Variants in CAST observed in about 807,000 individuals in gnomAD.
The protein encoded by CAST is calpastatin.
CAST carries 76 observed loss-of-function variants against 119.6 expected under a neutral mutation model. That is an observed-to-expected ratio of 0.64 (90% CI 0.53 to 0.77). CAST has a LOEUF of 0.77. CAST is among the 30% of genes least tolerant of loss of function. CAST has a pLI of 0.00. For synonymous variants in CAST, 319 were observed against 331.6 expected (o/e 0.96, Z 0.41); for missense variants, 953 against 946.5 (o/e 1.01, Z -0.09).
the CAST span, among the ~76,000 whole-genome samples, chr5:96,283,129 CAA>C: frequency 8.2e-5 from 2 of 24,310 alleles, no homozygotes; most frequent in Non-Finnish European, 8.4e-5. Context: ...GACTCCGTCT[CAA>C]AAAAAAAAAA....
chr5:96,128,567 C>T, the CAST span, among the ~76,000 whole-genome samples: 1 of 152,086 alleles, frequency 6.6e-6, no homozygotes, highest in African/African-American at 2.4e-5. Context: ...GTGAAAGCGA[C>T]ACTATCCTCC....
chr5:96,173,863 C>G, the CAST span, among the ~76,000 whole-genome samples: 1 of 151,994 alleles, frequency 6.6e-6, no homozygotes, highest in Non-Finnish European at 1.5e-5. Flanking sequence ...GCCTCAGCCT[C>G]CCGACTAGGT....
At chr5:96,620,464 G>C (rs1747581750) in intron 1 of CAST, among the ~76,000 whole-genome samples, 1 of 152,104 alleles carries the variant, frequency 6.6e-6, no homozygotes, top group Admixed American at 6.5e-5. Context: ...GTGAGTTGCA[G>C]CTCCGAATCA....
Position 96,615,555 on chromosome 5 carries a change from C to T in CAST, c.61-59984C>T, listed in dbSNP as rs563005593. Among the ~76,000 whole-genome samples the T allele has an allele frequency of 5.9e-5, 9 of 152,268 alleles. No homozygotes were observed. In the East Asian group the frequency reaches 9.7e-4, roughly 16 times the overall value. On this transcript the variant is annotated intron_variant, in intron 1 of 11. Transcript: ENST00000505143. ...TTCTGTGGGCTGTCCTTGGCTGAGA[C>T]GCACATTGAGGGAGAATTCAACCTG...
chr5:96,671,773 G>T (rs1750107414), intron 1 of CAST, among the ~76,000 whole-genome samples: 2 of 152,218 alleles, frequency 1.3e-5, no homozygotes, highest in South Asian at 4.1e-4. Context: ...CAACCCAGCA[G>T]TTACACGTAG....
chr5:96,185,055 T>C, the CAST span, among the ~76,000 whole-genome samples: 101 of 152,356 alleles, frequency 6.6e-4, no homozygotes, highest in Non-Finnish European at 1.3e-3. Context: ...CTGACTGGCA[T>C]GAGATAGTAT....
the CAST span, among the ~76,000 whole-genome samples, chr5:96,052,469 T>G: frequency 6.6e-6 from 1 of 152,332 alleles, no homozygotes; most frequent in South Asian, 2.1e-4. Flanking sequence ...ATAGATTAAT[T>G]GGATGAAAGA....
chr5:96,712,396 A>G (rs1756352321), intron 3 of CAST, among the ~76,000 whole-genome samples: 1 of 152,134 alleles, frequency 6.6e-6, no homozygotes, highest in Non-Finnish European at 1.5e-5. Flanking sequence ...CAGTGGTGCA[A>G]TCACGGGCCA....
At chr5:96,299,796 G>C in the CAST span, among the ~76,000 whole-genome samples, 1 of 152,074 alleles carries the variant, frequency 6.6e-6, no homozygotes, top group Non-Finnish European at 1.5e-5. Flanking sequence ...ATATTGACAA[G>C]TTATAGTTGT....
chr5:96,356,385 G>A, the CAST span, among the ~76,000 whole-genome samples: 1 of 152,188 alleles, frequency 6.6e-6, no homozygotes, highest in Non-Finnish European at 1.5e-5. Flanking sequence ...TGCTTTAGGT[G>A]TTTCAGTCAT....
the CAST span, among the ~76,000 whole-genome samples, chr5:96,416,696 G>A: frequency 6.6e-6 from 1 of 152,174 alleles, no homozygotes; most frequent in African/African-American, 2.4e-5. Flanking sequence ...CTGGTACCAA[G>A]AGGAGCTTGA....
chr5:96,413,421 A>G, the CAST span, among the ~76,000 whole-genome samples: 2 of 152,214 alleles, frequency 1.3e-5, no homozygotes, highest in East Asian at 3.8e-4. Flanking sequence ...AGATTTTCAC[A>G]CTTATTTACT....
the CAST span, among the ~76,000 whole-genome samples, chr5:96,471,494 A>G: frequency 6.6e-6 from 1 of 152,200 alleles, no homozygotes; most frequent in South Asian, 2.1e-4. Context: ...AACGACTGCT[A>G]CACAAACTGA....
the CAST span, among the ~76,000 whole-genome samples, chr5:95,975,820 T>C: frequency 6.6e-6 from 1 of 152,178 alleles, no homozygotes; most frequent in Non-Finnish European, 1.5e-5. Context: ...ACAAGGTTCT[T>C]TTATAATCAT....
intron 1 of CAST, chr5:96,663,185 G>T (rs1049620471): frequency 1.3e-5 from 9 of 702,588 alleles, no homozygotes; most frequent in African/African-American, 8.7e-5. Context: ...GAGCGGTTGT[G>T]CCTGGGCAGG....
the CAST span, among the ~76,000 whole-genome samples, chr5:95,962,772 T>A: frequency 6.6e-6 from 1 of 152,146 alleles, no homozygotes; most frequent in African/African-American, 2.4e-5. Flanking sequence ...TGATCTAAAT[T>A]AAAAGAAACC....
chr5:96,452,088 C>T, the CAST span, among the ~76,000 whole-genome samples: 1 of 152,182 alleles, frequency 6.6e-6, no homozygotes, highest in Non-Finnish European at 1.5e-5. Flanking sequence ...TGTGGTGATT[C>T]CTCAAGGATC....
At chr5:96,059,185 A>C in the CAST span, among the ~76,000 whole-genome samples, 1 of 152,008 alleles carries the variant, frequency 6.6e-6, no homozygotes, top group Middle Eastern at 3.2e-3. Context: ...CCTCCTGGCT[A>C]CCTAGCATCA....
the CAST span, among the ~76,000 whole-genome samples, chr5:96,315,421 A>G: frequency 2.0e-5 from 3 of 152,234 alleles, no homozygotes; most frequent in Non-Finnish European, 4.4e-5. Context: ...AGAAATGTAT[A>G]GTGAACAATG....
Sources: allele counts gnomAD v4.1 joint callset (sites outside exome capture counted in the v4.1 genomes callset), GRCh38; gene constraint gnomAD v4.1.1; transcripts MANE v1.5; gene names NCBI Gene and HGNC (gene_info 2026-07-23, HGNC 2026-07-21).